The following CNOT4 variants were observed in gnomAD, a reference collection of about 807,000 sequenced individuals.
The protein encoded by CNOT4 is CCR4-NOT transcription complex subunit 4.
In CNOT4, 8 loss-of-function variants were observed where a neutral mutation model predicts 73.8. That is an observed-to-expected ratio of 0.11 (90% CI 0.06 to 0.20). The LOEUF (loss-of-function observed/expected upper bound fraction) is 0.20, where lower values mean the gene tolerates loss of function less well. Ranked by LOEUF, CNOT4 falls within the 10% of genes least tolerant of loss-of-function variation. CNOT4 has a pLI of 1.00. For missense variants in CNOT4, 564 were observed against 883.4 expected (o/e 0.64, Z 4.58); for synonymous variants, 293 against 321.1 (o/e 0.91, Z 0.94).
chr7:135,417,978 G>A (rs138244925), intron 3 of CNOT4, among the ~76,000 whole-genome samples: 211 of 152,224 alleles, frequency 1.4e-3, no homozygotes, highest in Admixed American at 2.3e-3. Context: ...TGTTACTTTC[G>A]TAAAAAGGAA....
chr7:135,509,279 G>A (rs1804578541), intron 1 of CNOT4: 1 of 152,444 alleles, frequency 6.6e-6, no homozygotes, highest in East Asian at 1.9e-4. Flanking sequence ...TGTGGTGGAA[G>A]GAAAGACTGC....
At chr7:135,395,094 A>T (rs1428911193) in intron 9 of CNOT4, among the ~76,000 whole-genome samples, 3 of 152,176 alleles carry the variant, frequency 2.0e-5, no homozygotes, top group African/African-American at 4.8e-5. Context: ...TCTAATTAAA[A>T]ATCTAAGTCC....
chr7:135,401,673 A>G (rs1483335327), intron 7 of CNOT4, among the ~76,000 whole-genome samples: 2 of 152,168 alleles, frequency 1.3e-5, no homozygotes, highest in African/African-American at 4.8e-5. Context: ...AAAATTGGAG[A>G]TACCAATTCT....
chr7:135,384,078 G>C (rs1683747593), intron 10 of CNOT4, among the ~76,000 whole-genome samples: 1 of 151,920 alleles, frequency 6.6e-6, no homozygotes, highest in African/African-American at 2.4e-5. Context: ...TATTTACAAT[G>C]CATTTCTGGG....
chr7:135,505,363 T>C (rs1183808877), intron 1 of CNOT4, among the ~76,000 whole-genome samples: 5 of 152,028 alleles, frequency 3.3e-5, no homozygotes, highest in South Asian at 2.1e-4. Context: ...GAACAGCTGG[T>C]CAACATGGTG....
In CNOT4 at chr7:135,404,375, T is replaced by G. The variant is rs78988275; in HGVS notation, c.821+6140A>C. Among the ~76,000 whole-genome samples the G allele has an allele frequency of 2.2e-3, 335 of 152,314 alleles. 12 individuals are homozygous for G. In the East Asian group the frequency reaches 0.054, roughly 24 times the overall value. ...CTCCTGAATTCACCTCTAATCTATC[T>G]AGAAGTATCAGCAGACCAGTGCCCT... On this transcript the variant is annotated intron_variant, in intron 7 of 11. Transcript: ENST00000541284.
intron 6 of CNOT4, among the ~76,000 whole-genome samples, 200 bp from the exon 7 acceptor site, chr7:135,410,848 A>G (rs1459602537): frequency 6.6e-6 from 1 of 151,626 alleles, no homozygotes; most frequent in African/African-American, 2.4e-5. Context: ...AAACTTCTAG[A>G]TCAATGAAAG....
intron 10 of CNOT4, among the ~76,000 whole-genome samples, chr7:135,382,603 GT>G (rs1328379100): frequency 1.3e-5 from 2 of 148,586 alleles, no homozygotes; most frequent in Middle Eastern, 3.2e-3. Flanking sequence ...AAACCACACA[GT>G]TGACTCCAGG....
intron 1 of CNOT4, among the ~76,000 whole-genome samples, chr7:135,470,878 T>C (rs1396882615): frequency 6.6e-6 from 1 of 152,190 alleles, no homozygotes; most frequent in Non-Finnish European, 1.5e-5. Context: ...ATGGAAATGT[T>C]CTATATCTTG....
intron 1 of CNOT4, among the ~76,000 whole-genome samples, chr7:135,460,273 A>C (rs552941718): frequency 7.4e-4 from 113 of 152,296 alleles, no homozygotes; most frequent in Non-Finnish European, 1.4e-3. Context: ...TTTCCTTTGC[A>C]TTCAGAACTT....
chr7:135,432,640 T>A (rs1208216811), intron 2 of CNOT4, among the ~76,000 whole-genome samples: 1 of 152,190 alleles, frequency 6.6e-6, no homozygotes, highest in African/African-American at 2.4e-5. Context: ...CTGTGTTGGA[T>A]CTCCTGTTTC....
chr7:135,457,675 T>C (rs1800630448), intron 1 of CNOT4, among the ~76,000 whole-genome samples: 1 of 152,148 alleles, frequency 6.6e-6, no homozygotes. Context: ...TAAAACTCTA[T>C]TCAGACTTAA....
At chr7:135,383,201 T>C (rs1187042205) in intron 10 of CNOT4, among the ~76,000 whole-genome samples, 2 of 152,174 alleles carry the variant, frequency 1.3e-5, no homozygotes, top group East Asian at 3.8e-4. Flanking sequence ...ATGCTTTCCC[T>C]TCATAGGTGG....
At chr7:135,485,462 A>C (rs892265208) in intron 1 of CNOT4, among the ~76,000 whole-genome samples, 7 of 152,200 alleles carry the variant, frequency 4.6e-5, no homozygotes, top group Non-Finnish European at 1.0e-4. Context: ...TGTGAAAACA[A>C]AAAACAAGTA....
At chr7:135,412,357 T>C (rs1002634079) in intron 6 of CNOT4, among the ~76,000 whole-genome samples, 6 of 151,932 alleles carry the variant, frequency 3.9e-5, no homozygotes, top group African/African-American at 1.2e-4. Context: ...TAAATTCTGA[T>C]AGACAGAAAT....
At chr7:135,387,826 G>C in intron 10 of CNOT4, 1 of 979,814 alleles carries the variant, frequency 1.0e-6, no homozygotes, top group Non-Finnish European at 1.2e-6. Flanking sequence ...AAAATTATCT[G>C]TTACAATTTA....
chr7:135,487,560 G>A (rs1802811894), intron 1 of CNOT4, among the ~76,000 whole-genome samples: 1 of 151,942 alleles, frequency 6.6e-6, no homozygotes, highest in Non-Finnish European at 1.5e-5. Flanking sequence ...TACCTAAGCA[G>A]GTATTATGGA....
At chr7:135,372,084 T>C (rs1795237155) in intron 10 of CNOT4, among the ~76,000 whole-genome samples, 1 of 152,106 alleles carries the variant, frequency 6.6e-6, no homozygotes, top group South Asian at 2.1e-4. Flanking sequence ...AATGACAAAA[T>C]TGCAGAGACA....
chr7:135,376,035 AAAAG>A (rs1057182754), intron 10 of CNOT4, among the ~76,000 whole-genome samples: 6 of 152,214 alleles, frequency 3.9e-5, no homozygotes, highest in South Asian at 4.1e-4. Context: ...GGAAAAAAAA[AAAAG>A]AAAGAAGAAA....
Sources: gnomAD v4.1 joint callset for allele counts (sites outside exome capture counted in the v4.1 genomes callset) on GRCh38, gnomAD v4.1.1 for gene constraint, MANE v1.5 for transcripts, NCBI Gene and HGNC (gene_info 2026-07-23, HGNC 2026-07-21) for gene names.